Variants in ENOX1 observed in about 807,000 individuals in gnomAD.
The protein encoded by ENOX1 is candidate growth-related and time keeping constitutive hydroquinone (NADH) oxidase.
A neutral mutation model predicts 82.5 loss-of-function variants in ENOX1; 42 were observed. The observed-to-expected ratio is 0.51, with a 90% CI of 0.40 to 0.66. The LOEUF (loss-of-function observed/expected upper bound fraction) is 0.66. ENOX1 is among the 30% of genes least tolerant of loss of function. The probability of loss-of-function intolerance (pLI) is 0.00; values close to 1 mark genes in which losing one functional copy is unlikely to be tolerated. For synonymous variants in ENOX1, 271 were observed against 282.2 expected (o/e 0.96, Z 0.40); for missense variants, 608 against 811.6 (o/e 0.75, Z 3.05).
chr13:43,272,088 CTTGAT>C (rs991960360), intron 12 of ENOX1, among the ~76,000 whole-genome samples: 1 of 151,908 alleles, frequency 6.6e-6, no homozygotes, highest in African/African-American at 2.4e-5. Flanking sequence ...TTTTACTGAG[CTTGAT>C]TTATTATTAT....
At chr13:43,388,531 AC>A (rs1326617408) in intron 5 of ENOX1, among the ~76,000 whole-genome samples, 1 of 152,186 alleles carries the variant, frequency 6.6e-6, no homozygotes, top group African/African-American at 2.4e-5. Context: ...CTGCTCATAA[AC>A]AGTGAAACCT....
At chr13:43,718,273 G>GC (rs2088291293) in intron 1 of ENOX1, among the ~76,000 whole-genome samples, 1 of 152,108 alleles carries the variant, frequency 6.6e-6, no homozygotes, top group Non-Finnish European at 1.5e-5. Context: ...GCTAATTAAT[G>GC]CAACAGAAAA....
intron 8 of ENOX1, among the ~76,000 whole-genome samples, chr13:43,349,958 T>C (rs989356900): frequency 3.9e-5 from 6 of 152,090 alleles, no homozygotes; most frequent in African/African-American, 1.4e-4. Flanking sequence ...GAAATGGGCA[T>C]AGAGATTACT....
At chr13:43,454,943 C>G (rs2057156095) in intron 3 of ENOX1, among the ~76,000 whole-genome samples, 1 of 151,736 alleles carries the variant, frequency 6.6e-6, no homozygotes, top group Admixed American at 6.6e-5. Flanking sequence ...TAGGGGTTTT[C>G]CAGGCCAGCT....
chr13:43,525,510 G>T (rs1229577043), intron 2 of ENOX1, among the ~76,000 whole-genome samples: 2 of 152,116 alleles, frequency 1.3e-5, no homozygotes, highest in South Asian at 2.1e-4. Flanking sequence ...AAGTAGAACT[G>T]CTGGATCATA....
At chr13:43,268,091 G>A (rs780857112) in intron 13 of ENOX1, among the ~76,000 whole-genome samples, 7 of 151,940 alleles carry the variant, frequency 4.6e-5, no homozygotes, top group Non-Finnish European at 1.0e-4. Context: ...CTAGGGTTTG[G>A]ACTTCAAAAT....
intron 5 of ENOX1, among the ~76,000 whole-genome samples, chr13:43,379,654 C>A (rs1363355786): frequency 2.0e-5 from 3 of 151,880 alleles, no homozygotes; most frequent in Non-Finnish European, 4.4e-5. Context: ...ACAAAATGAA[C>A]AGAACATAAA....
intron 11 of ENOX1, among the ~76,000 whole-genome samples, chr13:43,312,669 T>A (rs537202312): frequency 6.6e-6 from 1 of 152,220 alleles, no homozygotes; most frequent in East Asian, 1.9e-4. Flanking sequence ...TCTTTTCTTC[T>A]TTTTCTTGTC....
intron 9 of ENOX1, among the ~76,000 whole-genome samples, chr13:43,329,437 C>A (rs2048303159): frequency 6.6e-6 from 1 of 151,958 alleles, no homozygotes; most frequent in Non-Finnish European, 1.5e-5. Flanking sequence ...TAAGTACATC[C>A]CAAACTATGA....
intron 14 of ENOX1, among the ~76,000 whole-genome samples, chr13:43,250,339 T>G (rs956424073): frequency 1.3e-5 from 2 of 152,144 alleles, no homozygotes; most frequent in African/African-American, 4.8e-5. Flanking sequence ...CTTGAGTGAG[T>G]TCCCTTTTCA....
At chr13:43,451,661 A>G (rs779982838) in intron 3 of ENOX1, among the ~76,000 whole-genome samples, 1 of 152,242 alleles carries the variant, frequency 6.6e-6, no homozygotes, top group African/African-American at 2.4e-5. Context: ...GTACATGGTA[A>G]GATATATACA....
intron 1 of ENOX1, among the ~76,000 whole-genome samples, chr13:43,778,015 A>T (rs1277278960): frequency 6.6e-6 from 1 of 152,242 alleles, no homozygotes; most frequent in Non-Finnish European, 1.5e-5. Context: ...AGCAAAGCCC[A>T]GTAAGCTCTT....
At chr13:43,481,051 C>G (rs1311372270) in intron 3 of ENOX1, among the ~76,000 whole-genome samples, 1 of 152,076 alleles carries the variant, frequency 6.6e-6, no homozygotes, top group Non-Finnish European at 1.5e-5. Context: ...AAACTACAGG[C>G]CAATATCCCT....
intron 11 of ENOX1, among the ~76,000 whole-genome samples, chr13:43,307,792 G>A (rs2046951632): frequency 2.0e-5 from 3 of 152,200 alleles, no homozygotes; most frequent in South Asian, 2.1e-4. Context: ...GCTCGATGTT[G>A]TTGTGCATTA....
chr13:43,547,052 T>C (rs1463771081), intron 2 of ENOX1: 1 of 152,224 alleles, frequency 6.6e-6, no homozygotes, highest in Non-Finnish European at 1.5e-5. Flanking sequence ...CAACAATACA[T>C]GCAAGCTAAT....
intron 1 of ENOX1, among the ~76,000 whole-genome samples, chr13:43,673,871 T>G (rs899552567): frequency 2.6e-5 from 4 of 152,224 alleles, no homozygotes; most frequent in African/African-American, 4.8e-5. Flanking sequence ...TAAATCATAC[T>G]TTTCTGCAAT....
At chr13:43,508,760 A>G (rs984562383) in intron 2 of ENOX1, among the ~76,000 whole-genome samples, 1 of 151,682 alleles carries the variant, frequency 6.6e-6, no homozygotes, top group African/African-American at 2.4e-5. Flanking sequence ...GATTCAGCCA[A>G]TATTACACAG....
At chr13:43,294,822 C>T (rs2046201711) in intron 12 of ENOX1, among the ~76,000 whole-genome samples, 1 of 152,220 alleles carries the variant, frequency 6.6e-6, no homozygotes, top group South Asian at 2.1e-4. Context: ...ATACGTACAG[C>T]ATCATGGATC....
intron 11 of ENOX1, among the ~76,000 whole-genome samples, chr13:43,308,109 C>G (rs1195026609): frequency 6.6e-6 from 1 of 151,788 alleles, no homozygotes; most frequent in Non-Finnish European, 1.5e-5. Context: ...GAGACTCTGT[C>G]CTTGGCTTGC....
Sources: allele counts gnomAD v4.1 joint callset (sites outside exome capture counted in the v4.1 genomes callset), GRCh38; gene constraint gnomAD v4.1.1; transcripts MANE v1.5; gene names NCBI Gene and HGNC (gene_info 2026-07-23, HGNC 2026-07-21).